The following TXNRD1 variants were observed in gnomAD, a reference collection of about 807,000 sequenced individuals.
TXNRD1 encodes thioredoxin reductase 1, cytoplasmic.
In TXNRD1, 57 loss-of-function variants were observed where a neutral mutation model predicts 80.3. The ratio of observed to expected loss-of-function variants is 0.71; its 90% CI spans 0.57 to 0.89. The LOEUF is 0.89. Ranked by LOEUF, TXNRD1 falls within the 40% of genes least tolerant of loss-of-function variation. TXNRD1 has a pLI of 0.00. For synonymous variants in TXNRD1, 291 were observed against 285.2 expected, an observed-to-expected ratio of 1.02 and a Z score of -0.20; for missense variants, 730 against 803.0, an observed-to-expected ratio of 0.91 and a Z score of 1.10.
intron 1 of TXNRD1, among the ~76,000 whole-genome samples, chr12:104,239,672 G>A (rs2032818254): frequency 6.6e-6 from 1 of 151,928 alleles, no homozygotes; most frequent in Non-Finnish European, 1.5e-5. Flanking sequence ...AGTAGAGTCA[G>A]GGGTTTCACC....
chr12:104,226,083 C>G (rs1225248671), intron 1 of TXNRD1, among the ~76,000 whole-genome samples: 1 of 151,924 alleles, frequency 6.6e-6, no homozygotes, highest in Non-Finnish European at 1.5e-5. Context: ...ACCTGTAATC[C>G]CAGCTACTTG....
chr12:104,238,845 G>T (rs1320617742), intron 1 of TXNRD1, among the ~76,000 whole-genome samples: 1 of 146,986 alleles, frequency 6.8e-6, no homozygotes, highest in Non-Finnish European at 1.5e-5. Flanking sequence ...TTGGTCTGTG[G>T]TTTTCTTTTC....
chr12:104,279,791 A>G (rs907494110), intron 3 of TXNRD1, among the ~76,000 whole-genome samples: 6 of 152,098 alleles, frequency 3.9e-5, no homozygotes, highest in Admixed American at 1.3e-4. Flanking sequence ...CTGGCCAGGC[A>G]CGGTGGCTCA....
chr12:104,303,110 G>C (rs978596493), intron 4 of TXNRD1, among the ~76,000 whole-genome samples: 4 of 152,142 alleles, frequency 2.6e-5, no homozygotes, highest in African/African-American at 9.7e-5. Context: ...GGGTAGTGGA[G>C]AACCAAAGTT....
At chr12:104,308,325 A>T (rs1036870504) in intron 4 of TXNRD1, among the ~76,000 whole-genome samples, 1 of 152,068 alleles carries the variant, frequency 6.6e-6, no homozygotes. Context: ...TCTTGCATGT[A>T]AACTGTGAAG....
At chr12:104,304,016 C>T (rs768846563) in intron 4 of TXNRD1, 45 of 1,612,144 alleles carry the variant, frequency 2.8e-5, no homozygotes, top group African/African-American at 1.6e-4. Context: ...CCCAAAGCTC[C>T]TGGAGCTCAC....
At chr12:104,300,916 G>C (rs2034600278) in intron 4 of TXNRD1, among the ~76,000 whole-genome samples, 1 of 152,176 alleles carries the variant, frequency 6.6e-6, no homozygotes, top group South Asian at 2.1e-4. Flanking sequence ...AAAGTGCTGG[G>C]ATTACAGGTG....
chr12:104,241,074 C>G (rs993214191), intron 1 of TXNRD1, among the ~76,000 whole-genome samples: 1 of 151,364 alleles, frequency 6.6e-6, no homozygotes, highest in African/African-American at 2.4e-5. Flanking sequence ...GAGTCTCACT[C>G]TGTCGCCCAG....
At position 104,349,291 on chromosome 12, in the gene TXNRD1, A is replaced by G. The variant is rs1200297635; in HGVS notation, c.*870A>G. On this transcript the variant is annotated 3_prime_UTR_variant, in exon 17 of 17. Coordinates refer to ENST00000525566, the MANE Select transcript of TXNRD1 (RefSeq NM_001093771.3). ...CAAGCTGAGATCATTTGCAATGGAAAACACGTAACTTGTTTAAAAGTTTTT... is the reference window on the plus strand; with the variant it reads ...CAAGCTGAGATCATTTGCAATGGAAGACACGTAACTTGTTTAAAAGTTTTT... 1.3e-5 allele frequency: 2 copies of G among 152,246 alleles called. No homozygotes were observed. Among genetic ancestry groups the G allele is most frequent in the African/African-American group, 2.4e-5 (1 of 41,474 alleles). The allele number at this position is 152,246 out of a possible 1,614,324, so 9.4% of individuals were successfully genotyped here.
intron 4 of TXNRD1, among the ~76,000 whole-genome samples, chr12:104,309,368 C>T (rs1374436561): frequency 2.6e-5 from 4 of 152,084 alleles, no homozygotes; most frequent in Admixed American, 6.5e-5. Context: ...CCAGGAGAAG[C>T]CAGGTTACAT....
intron 1 of TXNRD1, among the ~76,000 whole-genome samples, chr12:104,221,178 G>A (rs1399498861): frequency 1.3e-5 from 2 of 152,160 alleles, no homozygotes; most frequent in African/African-American, 4.8e-5. Context: ...TGGGAGGATC[G>A]CATGAGCGTG....
chr12:104,301,616 C>T (rs972717130), intron 4 of TXNRD1, among the ~76,000 whole-genome samples: 4 of 152,348 alleles, frequency 2.6e-5, no homozygotes, highest in African/African-American at 7.2e-5. Flanking sequence ...GGATTACAGG[C>T]GTGAGCCACC....
intron 10 of TXNRD1, among the ~76,000 whole-genome samples, chr12:104,324,113 A>G (rs984831625): frequency 2.6e-4 from 39 of 152,278 alleles, no homozygotes; most frequent in African/African-American, 9.1e-4. Context: ...ACAAAAGTGA[A>G]TAAGGGTGGA....
intron 3 of TXNRD1, among the ~76,000 whole-genome samples, chr12:104,271,924 A>T (rs2135725533): frequency 6.6e-6 from 1 of 152,160 alleles, no homozygotes; most frequent in East Asian, 1.9e-4. Context: ...TTTAAGAAAG[A>T]GCAAATAAGC....
intron 3 of TXNRD1, among the ~76,000 whole-genome samples, chr12:104,272,790 TAA>T (rs34460613): frequency 2.3e-4 from 30 of 129,706 alleles, no homozygotes; most frequent in Admixed American, 3.2e-4. Context: ...AGACTCCACC[TAA>T]AAAAAAAAAA....
At chr12:104,238,231 G>A (rs2032780527) in intron 1 of TXNRD1, among the ~76,000 whole-genome samples, 2 of 152,126 alleles carry the variant, frequency 1.3e-5, no homozygotes, top group South Asian at 4.1e-4. Context: ...TCAAAAGACG[G>A]TTTATAATCA....
intron 1 of TXNRD1, among the ~76,000 whole-genome samples, chr12:104,216,920 A>G (rs1268536580): frequency 6.6e-6 from 1 of 152,238 alleles, no homozygotes; most frequent in Non-Finnish European, 1.5e-5. Context: ...AGGAGTGGTA[A>G]AAACAGCCAA....
intron 3 of TXNRD1, among the ~76,000 whole-genome samples, chr12:104,262,742 G>A (rs555866212): frequency 6.6e-6 from 1 of 152,064 alleles, no homozygotes; most frequent in East Asian, 1.9e-4. Flanking sequence ...TACTAGGCAG[G>A]TGTGCTTCCT....
In TXNRD1 at chr12:104,268,360, A is replaced by C. The variant is rs186207436; in HGVS notation, c.304+10281A>C. Among the ~76,000 whole-genome samples the C allele has an allele frequency of 4.7e-3, 713 of 150,346 alleles. 1 individual carries two copies. Among genetic ancestry groups the C allele is most frequent in the Non-Finnish European group, 7.4e-3 (502 of 67,532 alleles). ...CCCCGTCTCTACTAAAAATACAAAA[A>C]AAAAACCCACCCATATTAGCCGGGC... On this transcript the variant is annotated intron_variant, in intron 3 of 16. Transcript: ENST00000525566.
Sources: allele counts gnomAD v4.1 joint callset (sites outside exome capture counted in the v4.1 genomes callset), GRCh38; gene constraint gnomAD v4.1.1; transcripts MANE v1.5; gene names NCBI Gene and HGNC (gene_info 2026-07-23, HGNC 2026-07-21).